The following FKBP9 variants were observed in gnomAD, a reference collection of about 807,000 sequenced individuals.
The protein encoded by FKBP9 is FKBP prolyl isomerase 9.
In FKBP9, 27 loss-of-function variants were observed where a neutral mutation model predicts 55.6. That is an observed-to-expected ratio of 0.49 (90% CI 0.36 to 0.67). The LOEUF (loss-of-function observed/expected upper bound fraction) is 0.67, where lower values mean the gene tolerates loss of function less well. Among genes scored for constraint, FKBP9 ranks in the 30% least tolerant of loss-of-function variants. FKBP9 has a pLI of 0.00. For missense variants in FKBP9, 539 were observed against 742.8 expected, an observed-to-expected ratio of 0.73 and a Z score of 3.19; for synonymous variants, 267 against 296.5, an observed-to-expected ratio of 0.90 and a Z score of 1.02.
At position 33,002,930 on chromosome 7, in the gene FKBP9, A is replaced by G. The variant is rs1345791376; in HGVS notation, c.1536+91A>G. 3.0e-6 allele frequency: 4 copies of G among 1,350,544 alleles called. No individual in the cohort carries two copies. In the African/African-American group the frequency reaches 5.8e-5, roughly 19 times the overall value. 83.7% of individuals were successfully genotyped at this position (1,350,544 alleles called of 1,614,324 possible). A position where few individuals can be genotyped will look rare whatever the true frequency, so the allele number is the denominator to read the frequency against. On this transcript the variant is annotated intron_variant, in intron 9 of 9. Coordinates refer to ENST00000242209, the MANE Select transcript of FKBP9 (RefSeq NM_007270.5). ...GCCGGTTCTGAAGGTAAGGACTTCT[A>G]AGGGTGAGGCCAGCTGGCTGGAGGG...
At chr7:32,997,738 G>C (rs1316275157) in intron 7 of FKBP9, among the ~76,000 whole-genome samples, 1 of 152,184 alleles carries the variant, frequency 6.6e-6, no homozygotes, top group African/African-American at 2.4e-5. Flanking sequence ...TGAGGCAGGA[G>C]AATCTCTTGA....
chr7:32,999,755 G>A (rs575533841), intron 7 of FKBP9, among the ~76,000 whole-genome samples: 1 of 152,154 alleles, frequency 6.6e-6, no homozygotes, highest in East Asian at 1.9e-4. Context: ...TCTTGTTTTT[G>A]TTTTTGAGAC....
intron 4 of FKBP9, among the ~76,000 whole-genome samples, chr7:32,977,869 C>T (rs1479477788): frequency 1.1e-5 from 1 of 94,212 alleles, no homozygotes; most frequent in Non-Finnish European, 2.3e-5. Context: ...ATATACATGC[C>T]CATATATATA....
In FKBP9 at chr7:33,002,845, T is replaced by G. The variant is rs1049423481; in HGVS notation, c.1536+6T>G. On this transcript the variant is annotated splice_donor_region_variant and intron_variant, in intron 9 of 9. Transcript: ENST00000242209. ...GAGAAGTCCTCCTGGAAGAGGTAACTAACTGGCCTCTGTAGGAAGGTGGGA... is the reference window on the plus strand; with the variant it reads ...GAGAAGTCCTCCTGGAAGAGGTAACGAACTGGCCTCTGTAGGAAGGTGGGA... 9.3e-6 allele frequency: 15 copies of G among 1,612,450 alleles called. No individual in the cohort carries two copies. The Admixed American group carries it at 1.7e-4, about 18-fold the overall frequency.
chr7:32,987,258 G>A (rs1784597836), intron 5 of FKBP9, among the ~76,000 whole-genome samples: 1 of 152,164 alleles, frequency 6.6e-6, no homozygotes, highest in Admixed American at 6.5e-5. Context: ...CACTTTCGGA[G>A]GCCAGGGCAG....
chr7:33,005,100 T>C, intron 9 of FKBP9, 75 bp from the exon 10 acceptor site: 1 of 1,563,272 alleles, frequency 6.4e-7, no homozygotes, highest in South Asian at 1.2e-5. Context: ...ACCCCCAGAC[T>C]GCTCTGTTTC....
chr7:32,966,770 G>A (rs1784154025), intron 1 of FKBP9, among the ~76,000 whole-genome samples: 1 of 152,074 alleles, frequency 6.6e-6, no homozygotes, highest in African/African-American at 2.4e-5. Flanking sequence ...ATGGTGGAAG[G>A]GAAAAGGGGA....
In FKBP9 at chr7:32,989,526, G is replaced by A. The variant is rs867685878; in HGVS notation, c.1039+874G>A. 3.3e-5 allele frequency among the ~76,000 whole-genome samples: 5 copies of A among 150,770 alleles called. No homozygotes were observed. In the South Asian group the frequency reaches 6.4e-4, roughly 19 times the overall value. On this transcript the variant is annotated intron_variant, in intron 6 of 9. Transcript: ENST00000242209. The stretch of plus-strand genomic sequence containing the variant: ...TGCCTCCTGGGTTCAGGTGAGTCTC[G>A]TGCCTTAGCCTCCCAAGTAGCTGGG...
chr7:32,957,554 C>G lies in FKBP9; in HGVS notation c.-20C>G. On this transcript the variant is annotated 5_prime_UTR_variant, in exon 1 of 10. Coordinates refer to ENST00000242209, the MANE Select transcript of FKBP9 (RefSeq NM_007270.5). ...GCCCGAGCGCCGCGCTGCGTCCGCG[C>G]CACTCTTCTCGCCGCCCCGATGGCG... The G allele has an allele frequency of 7.0e-7, 1 of 1,428,624 alleles. No homozygotes were observed. Among genetic ancestry groups the G allele is most frequent in the Non-Finnish European group, 9.1e-7 (1 of 1,099,294 alleles). The allele number at this position is 1,428,624 out of a possible 1,614,324, so 88.5% of individuals were successfully genotyped here.
In FKBP9 at chr7:32,957,537, G is replaced by A; in HGVS notation, c.-37G>A. The stretch of plus-strand genomic sequence containing the variant: ...CCAGGCCGACCCGTGCCGCCCGAGC[G>A]CCGCGCTGCGTCCGCGCCACTCTTC... On this transcript the variant is annotated 5_prime_UTR_variant, in exon 1 of 10. Coordinates refer to ENST00000242209, the MANE Select transcript of FKBP9 (RefSeq NM_007270.5). 1.5e-6 allele frequency: 2 copies of A among 1,366,550 alleles called. No homozygotes were observed. The highest frequency in any genetic ancestry group is 3.1e-5 in the East Asian group (1 of 32,262). 84.7% of individuals were successfully genotyped at this position (1,366,550 alleles called of 1,614,324 possible).
intron 7 of FKBP9, 48 bp from the exon 8 acceptor site, chr7:33,000,067 T>A (rs1225324188): frequency 3.1e-6 from 5 of 1,612,170 alleles, no homozygotes; most frequent in Non-Finnish European, 4.2e-6. Flanking sequence ...ACACTCTCAG[T>A]GCCAATGGGT....
At chr7:32,982,487 CTTTATTTTTTACA>C (rs540060454) in intron 5 of FKBP9, among the ~76,000 whole-genome samples, 48 of 152,052 alleles carry the variant, frequency 3.2e-4, no homozygotes, top group Admixed American at 2.7e-3. Context: ...GAGAGAAATC[CTTTATTTTTTACA>C]TCTACATGGC....
At chr7:32,999,647 G>C (rs1784891534) in intron 7 of FKBP9, among the ~76,000 whole-genome samples, 1 of 152,146 alleles carries the variant, frequency 6.6e-6, no homozygotes, top group Non-Finnish European at 1.5e-5. Flanking sequence ...CCGTTTCATA[G>C]ATAAAGTAAC....
At chr7:32,999,987 T>C in intron 7 of FKBP9, 128 bp from the exon 8 acceptor site, 2 of 992,990 alleles carry the variant, frequency 2.0e-6, no homozygotes, top group African/African-American at 1.6e-5. Flanking sequence ...TGATGTTTCC[T>C]CATGATTAGA....
At chr7:32,982,592 A>G (rs1478442975) in intron 5 of FKBP9, among the ~76,000 whole-genome samples, 3 of 152,002 alleles carry the variant, frequency 2.0e-5, no homozygotes, top group African/African-American at 7.2e-5. Flanking sequence ...TTTTTCTGTT[A>G]CCAAAAAAAA....
intron 1 of FKBP9, among the ~76,000 whole-genome samples, chr7:32,970,673 G>T: frequency 1.4e-5 from 2 of 140,578 alleles, no homozygotes. Context: ...CTGATTTTGG[G>T]GTGTTGATTT....
chr7:32,961,861 A>G (rs1359568282), intron 1 of FKBP9, among the ~76,000 whole-genome samples: 3 of 151,980 alleles, frequency 2.0e-5, no homozygotes, highest in Non-Finnish European at 4.4e-5. Context: ...TCACCCCTAG[A>G]TGGGACCATC....
At chr7:32,978,303 A>G (rs1162972955) in intron 4 of FKBP9, among the ~76,000 whole-genome samples, 2 of 151,874 alleles carry the variant, frequency 1.3e-5, no homozygotes, top group Non-Finnish European at 1.5e-5. Flanking sequence ...CTACTAAAAG[A>G]AAAATAAAGT....
intron 8 of FKBP9, among the ~76,000 whole-genome samples, chr7:33,000,744 C>G (rs537565013): frequency 6.6e-6 from 1 of 151,768 alleles, no homozygotes; most frequent in East Asian, 1.9e-4. Context: ...TTTACTCCAT[C>G]ATTTCAGCCA....
Sources: gnomAD v4.1 joint callset for allele counts (sites outside exome capture counted in the v4.1 genomes callset) on GRCh38, gnomAD v4.1.1 for gene constraint, MANE v1.5 for transcripts, NCBI Gene and HGNC (gene_info 2026-07-23, HGNC 2026-07-21) for gene names.